SPG7: variants seen among roughly 807,000 people sequenced by gnomAD.
SPG7 encodes the protein SPG7 matrix AAA peptidase subunit, paraplegin.
A neutral mutation model predicts 81.9 loss-of-function variants in SPG7; 103 were observed. The ratio of observed to expected loss-of-function variants is 1.26; its 90% CI spans 1.07 to 1.48. SPG7 has a LOEUF of 1.48. Ranked by LOEUF, SPG7 falls within the 40% of genes most tolerant of loss-of-function variation. The pLI is 0.00. For missense variants in SPG7, 1,241 were observed against 1,087.3 expected (o/e 1.14, Z -1.99); for synonymous variants, 534 against 444.2 (o/e 1.20, Z -2.54).
intron 9 of SPG7, chr16:89,540,679 T>G (rs1198896121): frequency 1.3e-5 from 2 of 158,070 alleles, no homozygotes; most frequent in Non-Finnish European, 2.7e-5. Flanking sequence ...GATGGGGGTG[T>G]GACGTGGTGC....
intron 9 of SPG7, chr16:89,536,839 C>G (rs2058431522): frequency 6.2e-7 from 1 of 1,614,060 alleles, no homozygotes; most frequent in Non-Finnish European, 8.5e-7. Flanking sequence ...CTGCTCCTGT[C>G]TCACGGAGCC....
intron 5 of SPG7, chr16:89,526,958 CGAAGTCTCAGCCCCCGACG>C (rs2058272097): frequency 4.3e-6 from 1 of 231,868 alleles, no homozygotes; most frequent in African/African-American, 2.3e-5. Flanking sequence ...CGTAGGATGG[CGAAGTCTCAGCCCCCGACG>C]TAGGATGGCG....
intron 1 of SPG7, among the ~76,000 whole-genome samples, chr16:89,509,584 G>C (rs2057984218): frequency 6.6e-6 from 1 of 151,928 alleles, no homozygotes; most frequent in African/African-American, 2.4e-5. Flanking sequence ...TGTTTATCTT[G>C]AAAGGAGAAC....
intron 5 of SPG7, 150 bp downstream of exon 5, chr16:89,526,618 G>A: frequency 1.2e-6 from 1 of 801,906 alleles, no homozygotes; most frequent in Non-Finnish European, 2.2e-6. Context: ...AGAAGTGAAT[G>A]ATACAATGCC....
Position 89,534,399 on chromosome 16 carries a change from G to T in SPG7, c.1324+1763G>T, listed in dbSNP as rs549206911. ...AGGGGCTGCGTCTTGTTATTTGCCC[G>T]TCGGTGGACATGTGGACTGTGGTGA... is the stretch of plus-strand genomic sequence containing the variant. On this transcript the variant is annotated intron_variant, in intron 9 of 16. Transcript: ENST00000645818. Among the ~76,000 whole-genome samples, 7 of 152,336 alleles carry T rather than the reference G, an allele frequency of 4.6e-5. No individual in the cohort carries two copies. The East Asian group carries it at 1.3e-3, about 29-fold the overall frequency.
intron 10 of SPG7, chr16:89,545,010 A>C (rs574658484): frequency 3.5e-6 from 2 of 574,516 alleles, no homozygotes; most frequent in Admixed American, 5.3e-5. Context: ...GACCTGCCCA[A>C]TGGCTGCACT....
At chr16:89,523,841 CTT>C in intron 3 of SPG7, 163 bp from the exon 4 acceptor site, 1 of 927,432 alleles carries the variant, frequency 1.1e-6, no homozygotes, top group Non-Finnish European at 1.7e-6. Flanking sequence ...CAGCGTTAGT[CTT>C]TGTCTCTGAT....
rs1567918841 is a variant in SPG7 at position 89,536,496 on chromosome 16, CAGGTGAGGTGAGGCGGGTGAGGT to C, written c.1324+3861_1324+3883del. On this transcript the variant is annotated intron_variant, in intron 9 of 16. Coordinates refer to ENST00000645818, the MANE Select transcript of SPG7 (RefSeq NM_003119.4). ...GTGAGGCGGGTGAGGTCAGGTGAGG[CAGGTGAGGTGAGGCGGGTGAGGT>C]CAGGTGAGGCGGGTGAGGTCAGGTG... Among the ~76,000 whole-genome samples the C allele has an allele frequency of 6.3e-3, 272 of 43,498 alleles. 25 individuals carry two copies. The highest frequency in any genetic ancestry group is 0.018 in the African/African-American group (248 of 13,424). The allele number at this position is 43,498 out of a possible 152,430, so 28.5% of individuals were successfully genotyped here. A position where few individuals can be genotyped will look rare whatever the true frequency, so the allele number is the denominator to read the frequency against.
rs1289926647 is a variant in SPG7, at chr16:89,530,584, T to TG, written c.862-95dup. On this transcript the variant is annotated intron_variant, in intron 6 of 16. Coordinates refer to ENST00000645818, the MANE Select transcript of SPG7 (RefSeq NM_003119.4). ...GCCTTGGGATCCTAGGATGGAGACG[T>TG]GGGGTTGGGGCGGCTCAGGTGCGTG... 4 of 1,374,874 alleles carry TG rather than the reference T, an allele frequency of 2.9e-6. No homozygotes were observed. In the African/African-American group the frequency reaches 5.7e-5, roughly 20 times the overall value. The allele number at this position is 1,374,874 out of a possible 1,614,324, so 85.2% of individuals were successfully genotyped here.
intron 15 of SPG7, 115 bp downstream of exon 15, chr16:89,554,075 A>C (rs2058664216): frequency 1.8e-6 from 2 of 1,120,262 alleles, no homozygotes; most frequent in Middle Eastern, 3.0e-4. Flanking sequence ...TGCAGGCCCC[A>C]CCTGGGTTTC....
intron 5 of SPG7, chr16:89,526,806 G>A (rs1486246011): frequency 1.1e-5 from 4 of 355,796 alleles, no homozygotes; most frequent in African/African-American, 4.3e-5. Context: ...CTCAGCCCCC[G>A]ACGTAGGATG....
chr16:89,544,561 T>C (rs540389287), intron 9 of SPG7, 87 bp from the exon 10 acceptor site: 80 of 1,519,668 alleles, frequency 5.3e-5, no homozygotes, highest in Non-Finnish European at 6.9e-5. Flanking sequence ...TCTCTCTCCC[T>C]CCTGTGTCCT....
At chr16:89,542,518 T>C (rs1016448087) in intron 9 of SPG7, among the ~76,000 whole-genome samples, 1 of 152,220 alleles carries the variant, frequency 6.6e-6, no homozygotes, top group African/African-American at 2.4e-5. Context: ...GGACTTAGCA[T>C]CCCAGCTTAT....
Position 89,513,008 on chromosome 16 carries a change from C to A in SPG7, c.347C>A (p.Ser116Ter), listed in dbSNP as rs149474131. Residue 116 changes from serine to a stop codon, truncating the protein, a stop_gained, in exon 3 of 17, where the codon TCG becomes TAG. Transcript: ENST00000645818. LOFTEE classifies it high-confidence loss of function. ...LKQKNKEKDKSKGKAPEEDEE... is the reference protein window; with the variant it reads ...LKQKNKEKDK ...CAGAAGAATAAGGAGAAGGATAAGT[C>A]GAAGGGGAAGGCGCCTGAAGAGGAC... The A allele has an allele frequency of 1.2e-6, 2 of 1,612,800 alleles. No homozygotes were observed. The highest frequency in any genetic ancestry group is 1.1e-5 in the South Asian group (1 of 91,018).
intron 12 of SPG7, chr16:89,549,133 C>A: frequency 2.2e-6 from 1 of 456,598 alleles, no homozygotes. Context: ...AATTTATTTT[C>A]GTGTAACCAT....
chr16:89,513,516 C>CA (rs757056122), intron 3 of SPG7, among the ~76,000 whole-genome samples: 146 of 130,590 alleles, frequency 1.1e-3, no homozygotes, highest in Admixed American at 2.5e-3. Flanking sequence ...AACTCCATCT[C>CA]AAAAAAAAAA....
chr16:89,530,496 C>A, intron 6 of SPG7, 187 bp from the exon 7 acceptor site: 1 of 700,588 alleles, frequency 1.4e-6, no homozygotes, highest in Non-Finnish European at 2.5e-6. Context: ...TAATTAATGA[C>A]GAAACATTTC....
In SPG7 at chr16:89,530,528, C is replaced by T. The variant is rs1003936628; in HGVS notation, c.862-155C>T. 6 of 819,534 alleles carry T rather than the reference C, an allele frequency of 7.3e-6. No individual in the cohort carries two copies. In the African/African-American group the frequency reaches 1.0e-4, roughly 14 times the overall value. 50.8% of individuals were successfully genotyped at this position (819,534 alleles called of 1,614,324 possible). A position where few individuals can be genotyped will look rare whatever the true frequency, so the allele number is the denominator to read the frequency against. On this transcript the variant is annotated intron_variant, in intron 6 of 16. Coordinates refer to ENST00000645818, the MANE Select transcript of SPG7 (RefSeq NM_003119.4). ...TTTCCCTTCTGTGCTTGAAGACTGA[C>T]TGTGAGCCTCGTCAGCCTGACATGA... is the stretch of plus-strand genomic sequence containing the variant.
chr16:89,513,024 T>A lies in SPG7; in HGVS notation c.363T>A (p.Pro121=). 6.2e-7 allele frequency: 1 copy of A among 1,610,502 alleles called. No individual in the cohort carries two copies. The highest frequency in any genetic ancestry group is 1.1e-5 in the South Asian group (1 of 90,820). The change falls in exon 3 of 17, where the codon CCT becomes CCA. Residue 121 remains proline, a synonymous_variant. Coordinates refer to ENST00000645818, the MANE Select transcript of SPG7 (RefSeq NM_003119.4). ...AGGATAAGTCGAAGGGGAAGGCGCC[T>A]GAAGAGGACGAAGGTATATTCATCT... is the stretch of plus-strand genomic sequence containing the variant. ...KEKDKSKGKA[P]EEDEEERRRR... is the part of the protein sequence containing the mutation.
Sources: gnomAD v4.1 joint callset for allele counts (sites outside exome capture counted in the v4.1 genomes callset) on GRCh38, gnomAD v4.1.1 for gene constraint, MANE v1.5 for transcripts, NCBI Gene and HGNC (gene_info 2026-07-23, HGNC 2026-07-21) for gene names.